The following RALA variants were observed in gnomAD, a reference collection of about 807,000 sequenced individuals.
RALA encodes ras-related protein Ral-A.
A neutral mutation model predicts 24.0 loss-of-function variants in RALA; 5 were observed. The observed-to-expected ratio is 0.21, with a 90% CI of 0.11 to 0.44. The LOEUF (loss-of-function observed/expected upper bound fraction) is 0.44, where lower values mean the gene tolerates loss of function less well. Among genes scored for constraint, RALA ranks in the 20% least tolerant of loss-of-function variants. The pLI, the probability that RALA is intolerant of heterozygous loss-of-function variation, is 0.99. For synonymous variants in RALA, 77 were observed against 83.8 expected (o/e 0.92, Z 0.44); for missense variants, 95 against 241.2 (o/e 0.39, Z 4.01).
At chr7:39,691,795 C>G (rs1027109549) in intron 3 of RALA, among the ~76,000 whole-genome samples, 32 of 152,140 alleles carry the variant, frequency 2.1e-4, no homozygotes, top group Non-Finnish European at 1.2e-4. Flanking sequence ...ATGGCAGACT[C>G]TGGTAGCTTG....
rs1431527908 is a variant in RALA at position 39,672,462 on chromosome 7, CACTTTGAAAA to C, written c.-37-14166_-37-14157del. ...TAGTGGAAATGCAAAAAGGTACAGC[CACTTTGAAAA>C]ACATTTAATCACACACCATACAACC... is the stretch of plus-strand genomic sequence containing the variant. On this transcript the variant is annotated intron_variant, in intron 1 of 4. Coordinates refer to ENST00000005257, the MANE Select transcript of RALA (RefSeq NM_005402.4). 3.3e-5 allele frequency among the ~76,000 whole-genome samples: 5 copies of C among 152,232 alleles called. No individual in the cohort carries two copies. In the East Asian group the frequency reaches 9.6e-4, roughly 29 times the overall value.
intron 1 of RALA, among the ~76,000 whole-genome samples, chr7:39,627,138 A>T (rs1315663882): frequency 6.6e-6 from 1 of 152,016 alleles, no homozygotes; most frequent in Non-Finnish European, 1.5e-5. Context: ...GGCCCCCATA[A>T]GTAACAGTTA....
At chr7:39,673,253 A>C (rs1243496906) in intron 1 of RALA, among the ~76,000 whole-genome samples, 1 of 152,192 alleles carries the variant, frequency 6.6e-6, no homozygotes, top group Non-Finnish European at 1.5e-5. Context: ...ACAGATCAGA[A>C]GACTTCTGAG....
chr7:39,700,065 C>T (rs1452899513), intron 4 of RALA, among the ~76,000 whole-genome samples: 3 of 152,020 alleles, frequency 2.0e-5, no homozygotes, highest in African/African-American at 7.2e-5. Context: ...TTGGGATCCA[C>T]GGGCATTCTG....
intron 3 of RALA, among the ~76,000 whole-genome samples, chr7:39,696,270 A>G (rs1792919125): frequency 6.6e-6 from 1 of 152,218 alleles, no homozygotes; most frequent in African/African-American, 2.4e-5. Flanking sequence ...CTTCCTCCCA[A>G]GAACCAATAA....
At chr7:39,659,395 C>CT (rs953171558) in intron 1 of RALA, among the ~76,000 whole-genome samples, 16 of 149,268 alleles carry the variant, frequency 1.1e-4, no homozygotes, top group East Asian at 3.9e-4. Flanking sequence ...ATTGTCAAGT[C>CT]TTTTTTTTTT....
intron 1 of RALA, among the ~76,000 whole-genome samples, chr7:39,657,364 G>A (rs1174186994): frequency 6.6e-6 from 1 of 152,022 alleles, no homozygotes; most frequent in Non-Finnish European, 1.5e-5. Flanking sequence ...GAAGGGTTTG[G>A]ATTATTTTAA....
intron 1 of RALA, among the ~76,000 whole-genome samples, chr7:39,649,863 T>C (rs944901311): frequency 2.6e-5 from 4 of 152,140 alleles, no homozygotes; most frequent in African/African-American, 9.7e-5. Flanking sequence ...AAAGAAAATG[T>C]TTTAAGAAAG....
intron 1 of RALA, among the ~76,000 whole-genome samples, chr7:39,649,493 A>G (rs1791984693): frequency 6.6e-6 from 1 of 152,122 alleles, no homozygotes; most frequent in African/African-American, 2.4e-5. Context: ...AAAAAGGCTA[A>G]AGGAACTAGC....
At chr7:39,626,853 G>A (rs770617727) in intron 1 of RALA, among the ~76,000 whole-genome samples, 3 of 152,098 alleles carry the variant, frequency 2.0e-5, no homozygotes, top group Non-Finnish European at 2.9e-5. Context: ...TAGAAAGAAT[G>A]GTAAAAGAAG....
chr7:39,625,805 G>A (rs1457319303), intron 1 of RALA, among the ~76,000 whole-genome samples: 1 of 152,202 alleles, frequency 6.6e-6, no homozygotes, highest in African/African-American at 2.4e-5. Context: ...CATTAGGGAG[G>A]TTCAAATAAG....
chr7:39,672,907 C>A (rs867863876), intron 1 of RALA, among the ~76,000 whole-genome samples: 2 of 152,182 alleles, frequency 1.3e-5, no homozygotes, highest in Non-Finnish European at 2.9e-5. Context: ...TGACTGTATA[C>A]ATTTATCAAA....
chr7:39,637,863 TA>T (rs1249420854), intron 1 of RALA, among the ~76,000 whole-genome samples: 1 of 152,210 alleles, frequency 6.6e-6, no homozygotes, highest in African/African-American at 2.4e-5. Context: ...TGCTTTTATT[TA>T]TTGATTGATT....
chr7:39,641,589 C>G (rs1419801006), intron 1 of RALA, among the ~76,000 whole-genome samples: 2 of 152,156 alleles, frequency 1.3e-5, no homozygotes, highest in Non-Finnish European at 2.9e-5. Context: ...TTTGCTTCCC[C>G]TCTGTTCATA....
In RALA at chr7:39,690,390, G is replaced by A. The variant is rs767415646; in HGVS notation, c.123G>A (p.Glu41=). ...GTTTTTATCTTTTCTAGTTTGTGGA[G>A]GACTATGAGCCTACCAAAGCAGACA... is the stretch of plus-strand genomic sequence containing the variant. ...TLQFMYDEFV[E]DYEPTKADSY... is the part of the protein sequence containing the mutation. Residue 41 remains glutamate (E), a synonymous_variant, in exon 3 of 5, where the codon GAG becomes GAA. Coordinates refer to ENST00000005257, the MANE Select transcript of RALA (RefSeq NM_005402.4). 1.7e-5 allele frequency: 27 copies of A among 1,611,838 alleles called. No individual in the cohort carries two copies. Among genetic ancestry groups the A allele is most frequent in the Non-Finnish European group, 1.8e-5 (21 of 1,178,902 alleles).
chr7:39,698,965 C>T (rs557155837), intron 4 of RALA, among the ~76,000 whole-genome samples: 20 of 151,944 alleles, frequency 1.3e-4, no homozygotes, highest in African/African-American at 4.6e-4. Flanking sequence ...CCTTTTTTTA[C>T]CCGTCACTTT....
chr7:39,699,122 T>TTTTA (rs70996835), intron 4 of RALA, among the ~76,000 whole-genome samples: 2 of 61,952 alleles, frequency 3.2e-5, no homozygotes, highest in Admixed American at 2.7e-4. Context: ...AAAAATGTTA[T>TTTTA]TTTTTTTTTT....
chr7:39,645,146 G>A (rs1013937642), intron 1 of RALA, among the ~76,000 whole-genome samples: 11 of 152,094 alleles, frequency 7.2e-5, no homozygotes, highest in Admixed American at 6.6e-5. Flanking sequence ...CATCATCCAG[G>A]TTCAGAACTG....
intron 1 of RALA, among the ~76,000 whole-genome samples, chr7:39,659,250 C>T (rs1329095233): frequency 1.3e-5 from 2 of 151,892 alleles, no homozygotes; most frequent in Non-Finnish European, 2.9e-5. Flanking sequence ...CACCACTACC[C>T]CTCAGCCTGG....
Sources: gnomAD v4.1 joint callset for allele counts (sites outside exome capture counted in the v4.1 genomes callset) on GRCh38, gnomAD v4.1.1 for gene constraint, MANE v1.5 for transcripts, NCBI Gene and HGNC (gene_info 2026-07-23, HGNC 2026-07-21) for gene names.